The following MARCHF1 variants were observed in gnomAD, a reference collection of about 807,000 sequenced individuals.
The protein encoded by MARCHF1 is E3 ubiquitin-protein ligase MARCHF1.
In MARCHF1, 40 loss-of-function variants were observed where a neutral mutation model predicts 54.2. That is an observed-to-expected ratio of 0.74 (90% CI 0.57 to 0.96). MARCHF1 has a LOEUF of 0.96. Ranked by LOEUF, MARCHF1 falls within the 40% of genes least tolerant of loss-of-function variation. The pLI is 0.00. For synonymous variants in MARCHF1, 236 were observed against 236.3 expected, an observed-to-expected ratio of 1.00 and a Z score of 0.01; for missense variants, 586 against 656.5, an observed-to-expected ratio of 0.89 and a Z score of 1.17.
At chr4:164,053,677 C>A (rs1290432108) in intron 2 of MARCHF1, among the ~76,000 whole-genome samples, 1 of 152,134 alleles carries the variant, frequency 6.6e-6, no homozygotes, top group Non-Finnish European at 1.5e-5. Context: ...TGTTTACACT[C>A]CCAAAGATAA....
chr4:163,589,009 C>T (rs564331332), intron 7 of MARCHF1, among the ~76,000 whole-genome samples: 25 of 148,726 alleles, frequency 1.7e-4, no homozygotes, highest in Admixed American at 1.5e-3. Flanking sequence ...ACAATAAAAA[C>T]GAAAACCCCA....
At chr4:163,534,759 C>A (rs1389940140) in intron 9 of MARCHF1, among the ~76,000 whole-genome samples, 2 of 151,864 alleles carry the variant, frequency 1.3e-5, no homozygotes, top group Non-Finnish European at 2.9e-5. Context: ...CTTCTTTGAT[C>A]TTAAGGATAG....
intron 5 of MARCHF1, among the ~76,000 whole-genome samples, chr4:163,688,527 T>C (rs1335932520): frequency 6.6e-6 from 1 of 152,180 alleles, no homozygotes; most frequent in African/African-American, 2.4e-5. Flanking sequence ...TAAAATTATT[T>C]CTTAAAATAA....
intron 1 of MARCHF1, among the ~76,000 whole-genome samples, chr4:164,330,372 C>G (rs1013894917): frequency 6.6e-6 from 1 of 151,946 alleles, no homozygotes; most frequent in East Asian, 1.9e-4. Flanking sequence ...GAAGAAATTC[C>G]GAAGTTTGTC....
At chr4:163,745,585 A>G (rs777630038) in intron 4 of MARCHF1, among the ~76,000 whole-genome samples, 1 of 152,220 alleles carries the variant, frequency 6.6e-6, no homozygotes, top group South Asian at 2.1e-4. Flanking sequence ...AAATAGCTCA[A>G]TATGGATCCC....
chr4:164,225,241 G>A (rs190908828), intron 1 of MARCHF1, among the ~76,000 whole-genome samples: 3 of 152,186 alleles, frequency 2.0e-5, no homozygotes, highest in African/African-American at 7.2e-5. Context: ...GGAAACATTT[G>A]TGCAATGAAT....
intron 5 of MARCHF1, among the ~76,000 whole-genome samples, chr4:163,677,102 A>G (rs1302921723): frequency 1.3e-5 from 2 of 152,246 alleles, no homozygotes; most frequent in East Asian, 3.8e-4. Context: ...AAAACCTTTC[A>G]GGGAGAAATA....
intron 3 of MARCHF1, among the ~76,000 whole-genome samples, chr4:163,904,374 A>G (rs1291576378): frequency 6.6e-6 from 1 of 152,210 alleles, no homozygotes; most frequent in African/African-American, 2.4e-5. Context: ...ACTGGGTTAT[A>G]TTAGGGCAGG....
chr4:163,688,511 G>A (rs1468185001), intron 5 of MARCHF1, among the ~76,000 whole-genome samples: 1 of 152,062 alleles, frequency 6.6e-6, no homozygotes, highest in Admixed American at 6.5e-5. Flanking sequence ...TAGAATATCT[G>A]CAAAATAAAA....
chr4:164,197,277 G>A, intron 1 of MARCHF1: 1 of 1,611,486 alleles, frequency 6.2e-7, no homozygotes, highest in Non-Finnish European at 8.5e-7. Context: ...TGTGGTCCCA[G>A]TAACAGCTGT....
intron 4 of MARCHF1, among the ~76,000 whole-genome samples, chr4:163,773,020 G>A (rs186812888): frequency 1.4e-3 from 216 of 152,308 alleles, no homozygotes; most frequent in African/African-American, 5.0e-3. Flanking sequence ...TAAATGGAAA[G>A]TACCTGTCTC....
At chr4:163,930,550 T>C (rs1424467706) in intron 3 of MARCHF1, among the ~76,000 whole-genome samples, 2 of 151,368 alleles carry the variant, frequency 1.3e-5, no homozygotes, top group Non-Finnish European at 2.9e-5. Flanking sequence ...TGCCCAGATA[T>C]TCAGTCAAAC....
chr4:163,815,538 A>T (rs1233450420), intron 4 of MARCHF1, among the ~76,000 whole-genome samples: 1 of 152,124 alleles, frequency 6.6e-6, no homozygotes, highest in African/African-American at 2.4e-5. Context: ...CTCCATGAGG[A>T]TTACAGGGCT....
intron 5 of MARCHF1, among the ~76,000 whole-genome samples, chr4:163,649,406 G>T (rs747184426): frequency 6.6e-6 from 1 of 152,030 alleles, no homozygotes; most frequent in Non-Finnish European, 1.5e-5. Context: ...TTGTACAAAA[G>T]AAAGGCTATT....
chr4:163,703,718 T>C (rs1744872256), intron 4 of MARCHF1, among the ~76,000 whole-genome samples: 1 of 152,076 alleles, frequency 6.6e-6, no homozygotes, highest in Admixed American at 6.6e-5. Flanking sequence ...ATTCATAGTA[T>C]ACAGACAGGG....
At chr4:163,874,098 T>G (rs1579357154) in intron 3 of MARCHF1, among the ~76,000 whole-genome samples, 1 of 152,222 alleles carries the variant, frequency 6.6e-6, no homozygotes, top group Admixed American at 6.5e-5. Flanking sequence ...TGAATTATCA[T>G]AGAGGTATTA....
chr4:164,001,299 C>A (rs942813256), intron 2 of MARCHF1, among the ~76,000 whole-genome samples: 4 of 151,612 alleles, frequency 2.6e-5, no homozygotes, highest in Non-Finnish European at 4.4e-5. Flanking sequence ...GTGTAAAGCA[C>A]ATAGATACAT....
At chr4:163,559,938 T>C (rs1033039572) in intron 8 of MARCHF1, among the ~76,000 whole-genome samples, 1 of 152,244 alleles carries the variant, frequency 6.6e-6, no homozygotes, top group African/African-American at 2.4e-5. Flanking sequence ...TGTTCTCTAA[T>C]TGTCGAGTTC....
chr4:164,018,489 A>T (rs1753593421), intron 2 of MARCHF1, among the ~76,000 whole-genome samples: 1 of 152,034 alleles, frequency 6.6e-6, no homozygotes, highest in Admixed American at 6.6e-5. Context: ...ACTCAATAAT[A>T]GGAAGACAAT....
Sources: gnomAD v4.1 joint callset for allele counts (sites outside exome capture counted in the v4.1 genomes callset) on GRCh38, gnomAD v4.1.1 for gene constraint, MANE v1.5 for transcripts, NCBI Gene and HGNC (gene_info 2026-07-23, HGNC 2026-07-21) for gene names.